The following PHACTR2 variants were observed in gnomAD, a reference collection of about 807,000 sequenced individuals.
PHACTR2 encodes phosphatase and actin regulator 2, also known as chromosome 6 open reading frame 56.
PHACTR2 carries 30 observed loss-of-function variants against 76.0 expected under a neutral mutation model. That is an observed-to-expected ratio of 0.39 (90% CI 0.30 to 0.54). The LOEUF is 0.54. Ranked by LOEUF, PHACTR2 falls within the 20% of genes least tolerant of loss-of-function variation. PHACTR2 has a pLI of 0.61. For missense variants in PHACTR2, 696 were observed against 781.1 expected (o/e 0.89, Z 1.30); for synonymous variants, 292 against 292.5 (o/e 1.00, Z 0.02).
chr6:143,603,362 T>G (rs563397711), upstream of PHACTR2, among the ~76,000 whole-genome samples: 7 of 148,680 alleles, frequency 4.7e-5, no homozygotes, highest in East Asian at 1.4e-3. Flanking sequence ...CAACTTTGAA[T>G]ATAACAGGGA....
chr6:143,689,577 G>A lies in PHACTR2; in HGVS notation c.46+11368G>A, dbSNP rs1777594244. On this transcript the variant is annotated intron_variant, in intron 1 of 12. Transcript: ENST00000440869. The surrounding 1 kb of genome is among the most constrained non-coding windows in gnomAD (Gnocchi z 4.4). ...TGACACATTATCTACTGAGCTCACA[G>A]TATGGAAACCGAACACGTAGTTCTC... is the stretch of plus-strand genomic sequence containing the variant. 6.6e-6 allele frequency among the ~76,000 whole-genome samples: 1 copy of A among 152,082 alleles called. No individual in the cohort carries two copies. The highest frequency in any genetic ancestry group is 1.5e-5 in the Non-Finnish European group (1 of 68,042).
chr6:143,612,610 T>TAC (rs10539480), intron 1 of PHACTR2, among the ~76,000 whole-genome samples: 7 of 151,632 alleles, frequency 4.6e-5, no homozygotes, highest in Non-Finnish European at 8.8e-5. Flanking sequence ...ATGTTATATA[T>TAC]ACACACACAC....
At chr6:143,701,700 C>CTCAAG (rs1466122974) in intron 1 of PHACTR2, among the ~76,000 whole-genome samples, 9 of 152,180 alleles carry the variant, frequency 5.9e-5, no homozygotes, top group Non-Finnish European at 1.3e-4. Flanking sequence ...GTCTCTCAGC[C>CTCAAG]TCAACTTCCT....
At chr6:143,734,659 C>T (rs75271963) in intron 2 of PHACTR2, among the ~76,000 whole-genome samples, 3 of 151,994 alleles carry the variant, frequency 2.0e-5, no homozygotes, top group Non-Finnish European at 4.4e-5. Context: ...TTTTCCATCA[C>T]ATTTGATTGC....
Position 143,554,596 on chromosome 6 carries a change from G to A in PHACTR2, c.217+17389G>A, listed in dbSNP as rs1775142280. On this transcript the variant is annotated intron_variant, in intron 1 of 11. Transcript: ENST00000367584. This position sits in a 1 kb window ranked among gnomAD's most constrained non-coding sequence, Gnocchi z 5.9. ...ATGATCAGCCCTCACCTGAGGAAAG[G>A]TGAAGGGCTAAGGAACTCGATTGAG... 6.6e-6 allele frequency: 1 copy of A among 152,156 alleles called. No homozygotes were observed. The highest frequency in any genetic ancestry group is 6.5e-5 in the Admixed American group (1 of 15,276). The allele number at this position is 152,156 out of a possible 1,614,324, so 9.4% of individuals were successfully genotyped here.
In PHACTR2 at chr6:143,768,464, G is replaced by T. The variant is rs151261665; in HGVS notation, c.1232+2666G>T. Among the ~76,000 whole-genome samples, 1,274 of 152,252 alleles carry T rather than the reference G, an allele frequency of 8.4e-3. 18 individuals carry two copies. Among genetic ancestry groups the T allele is most frequent in the African/African-American group, 0.029 (1,203 of 41,554 alleles). On this transcript the variant is annotated intron_variant, in intron 6 of 12. Coordinates refer to ENST00000440869, the MANE Select transcript of PHACTR2 (RefSeq NM_001100164.2). ...ATCTGAATTTTGGGAACTAGATTGGGTATACGGGATTATTGTTCAATATAC... is the reference window on the plus strand; with the variant it reads ...ATCTGAATTTTGGGAACTAGATTGGTTATACGGGATTATTGTTCAATATAC...
rs1304406494 is a variant in PHACTR2, at chr6:143,800,920, G to C, written c.1846-6137G>C. Among the ~76,000 whole-genome samples the C allele has an allele frequency of 6.6e-6, 1 of 152,160 alleles. No individual in the cohort carries two copies. Among genetic ancestry groups the C allele is most frequent in the Non-Finnish European group, 1.5e-5 (1 of 68,024 alleles). ...TGACAAAATCTCTCAGCATTTGCTT[G>C]TGTGGAAAGGATTTTATTTCTCCTT... is the stretch of plus-strand genomic sequence containing the variant. On this transcript the variant is annotated intron_variant, in intron 11 of 12. Coordinates refer to ENST00000440869, the MANE Select transcript of PHACTR2 (RefSeq NM_001100164.2). The surrounding 1 kb of genome is among the most constrained non-coding windows in gnomAD (Gnocchi z 4.8).
rs1252814272 is a variant in PHACTR2, at chr6:143,658,812, G to A, written c.13+50490G>A. ...GGCCAAGGTGGCAGGATCACTTGAG[G>A]TCAAGAGTTCGAGACCAGCCTAACC... is the stretch of plus-strand genomic sequence containing the variant. On this transcript the variant is annotated intron_variant, in intron 1 of 11. Transcript: ENST00000305766. This position sits in a 1 kb window ranked among gnomAD's most constrained non-coding sequence, Gnocchi z 4.1. Among the ~76,000 whole-genome samples the A allele has an allele frequency of 6.6e-6, 1 of 152,100 alleles. No individual in the cohort carries two copies. The highest frequency in any genetic ancestry group is 1.5e-5 in the Non-Finnish European group (1 of 68,004).
chr6:143,678,324 C>A lies in PHACTR2; in HGVS notation c.46+115C>A. 1.0e-6 allele frequency: 1 copy of A among 973,280 alleles called. No homozygotes were observed. Among genetic ancestry groups the A allele is most frequent in the Non-Finnish European group, 1.4e-6 (1 of 710,890 alleles). The allele number at this position is 973,280 out of a possible 1,614,324, so 60.3% of individuals were successfully genotyped here. ...CGGGTTCCGCTCGGACCCGCCAAGT[C>A]CCTCGGAGAAACCCCAGAGGTAGCG... On this transcript the variant is annotated intron_variant, in intron 1 of 12. Transcript: ENST00000440869. The surrounding 1 kb of genome is among the most constrained non-coding windows in gnomAD (Gnocchi z 6.2).
chr6:143,571,110 G>C lies in PHACTR2; in HGVS notation c.217+33903G>C, dbSNP rs1775441691. ...ATATCTTACAAAACTGTAGTACAAC[G>C]ATGGAAATCAAGAAGGGAATGTAGG... On this transcript the variant is annotated intron_variant, in intron 1 of 11. Coordinates refer to the PHACTR2 transcript ENST00000367584. The surrounding 1 kb of genome is among the most constrained non-coding windows in gnomAD (Gnocchi z 4.6). Among the ~76,000 whole-genome samples the C allele has an allele frequency of 6.6e-6, 1 of 152,162 alleles. No individual in the cohort carries two copies. Among genetic ancestry groups the C allele is most frequent in the African/African-American group, 2.4e-5 (1 of 41,426 alleles).
chr6:143,757,120 TAA>T lies in PHACTR2; in HGVS notation c.454+3209_454+3210del, dbSNP rs1450186440. On this transcript the variant is annotated intron_variant, in intron 4 of 12. Coordinates refer to ENST00000440869, the MANE Select transcript of PHACTR2 (RefSeq NM_001100164.2). The surrounding 1 kb of genome is among the most constrained non-coding windows in gnomAD (Gnocchi z 4.2). ...AAATCTTGCTTGACATTATTTTTAT[TAA>T]GTTATTATTTTAAAATCTTCAATGA... Among the ~76,000 whole-genome samples, 3 of 152,204 alleles carry T rather than the reference TAA, an allele frequency of 2.0e-5. No homozygotes were observed. In the East Asian group the frequency reaches 5.8e-4, roughly 29 times the overall value.
rs146818910 is a variant in PHACTR2, at chr6:143,631,463, G to A, written c.13+23141G>A. On this transcript the variant is annotated intron_variant, in intron 1 of 11. Transcript: ENST00000305766. ...CCTTCCTCGGCCTCCTAAAGTGTTG[G>A]GATTAGACGCCTGAGCCACTGAGCC... 4.3e-3 allele frequency among the ~76,000 whole-genome samples: 647 copies of A among 152,180 alleles called. 4 individuals are homozygous for A. The highest frequency in any genetic ancestry group is 6.7e-3 in the Non-Finnish European group (454 of 68,008).
chr6:143,769,199 A>G (rs1396036679), intron 6 of PHACTR2, among the ~76,000 whole-genome samples: 1 of 152,228 alleles, frequency 6.6e-6, no homozygotes, highest in Non-Finnish European at 1.5e-5. Context: ...GTAGGCTTCC[A>G]TTCATGGGCA....
At chr6:143,576,122 C>G (rs948981971) in intron 1 of PHACTR2, among the ~76,000 whole-genome samples, 1 of 152,218 alleles carries the variant, frequency 6.6e-6, no homozygotes, top group African/African-American at 2.4e-5. Context: ...TGGCTGGAAA[C>G]TTGGAGCATC....
rs910080292 is a variant in PHACTR2, at chr6:143,731,201, A to G, written c.215-17784A>G. Among the ~76,000 whole-genome samples the G allele has an allele frequency of 2.0e-5, 3 of 152,120 alleles. No individual in the cohort carries two copies. The highest frequency in any genetic ancestry group is 4.8e-5 in the African/African-American group (2 of 41,426). ...TGGTCATTTCAGTTTTTTTCTTTAGACCACTATTATGGTTGATTACATTGG... is the reference window on the plus strand; with the variant it reads ...TGGTCATTTCAGTTTTTTTCTTTAGGCCACTATTATGGTTGATTACATTGG... On this transcript the variant is annotated intron_variant, in intron 2 of 12. Coordinates refer to ENST00000440869, the MANE Select transcript of PHACTR2 (RefSeq NM_001100164.2). The surrounding 1 kb of genome is among the most constrained non-coding windows in gnomAD (Gnocchi z 4.9).
In PHACTR2 at chr6:143,647,046, A is replaced by G. The variant is rs1247449660; in HGVS notation, c.13+38724A>G. ...TCTTCACCTTGCTGTCAGCAGTTAC[A>G]TTTTTTTCTAAGGGGTAAAAAGCAC... On this transcript the variant is annotated intron_variant, in intron 1 of 11. Transcript: ENST00000305766. This position sits in a 1 kb window ranked among gnomAD's most constrained non-coding sequence, Gnocchi z 4.2. Among the ~76,000 whole-genome samples, 5 of 152,132 alleles carry G rather than the reference A, an allele frequency of 3.3e-5. No homozygotes were observed. Among genetic ancestry groups the G allele is most frequent in the Non-Finnish European group, 1.5e-5 (1 of 68,008 alleles).
Position 143,596,282 on chromosome 6 carries a change from T to C in PHACTR2, c.217+59075T>C, listed in dbSNP as rs1302190415. On this transcript the variant is annotated intron_variant, in intron 1 of 11. Transcript: ENST00000367584. This position sits in a 1 kb window ranked among gnomAD's most constrained non-coding sequence, Gnocchi z 4.6. Reference sequence around the variant, plus strand: ...CTTCATTTGGTGTCTTTTTAGCGTATGTTCTGTTTTCCAAGTTGGGAGCGG... The same window carrying C: ...CTTCATTTGGTGTCTTTTTAGCGTACGTTCTGTTTTCCAAGTTGGGAGCGG... Among the ~76,000 whole-genome samples the C allele has an allele frequency of 1.3e-5, 2 of 152,124 alleles. No individual in the cohort carries two copies.
chr6:143,642,976 G>A (rs1256737616), intron 1 of PHACTR2, among the ~76,000 whole-genome samples: 1 of 152,146 alleles, frequency 6.6e-6, no homozygotes, highest in East Asian at 1.9e-4. Flanking sequence ...TAATTTGCTT[G>A]GAAGTTGTTC....
At chr6:143,540,411 C>T (rs1188586783) in intron 1 of PHACTR2, among the ~76,000 whole-genome samples, 1 of 152,182 alleles carries the variant, frequency 6.6e-6, no homozygotes, top group East Asian at 1.9e-4. Context: ...CCCACAGCTC[C>T]ACCTCCATCC....
Sources: gnomAD v4.1 joint callset for allele counts (sites outside exome capture counted in the v4.1 genomes callset) on GRCh38, gnomAD v4.1.1 for gene constraint, Gnocchi (gnomAD v3.1) non-coding constraint, MANE v1.5 for transcripts, NCBI Gene and HGNC (gene_info 2026-07-23, HGNC 2026-07-21) for gene names.